Variants in ARHGAP26 observed in about 807,000 individuals in gnomAD.
ARHGAP26 encodes the protein rho GTPase-activating protein 26.
ARHGAP26 carries 38 observed loss-of-function variants against 104.8 expected under a neutral mutation model. The ratio of observed to expected loss-of-function variants is 0.36; its 90% confidence interval spans 0.28 to 0.48. The LOEUF (loss-of-function observed/expected upper bound fraction) is 0.48. Ranked by LOEUF, ARHGAP26 falls within the 20% of genes least tolerant of loss-of-function variation. The pLI is 0.99. For missense variants in ARHGAP26, 704 were observed against 947.9 expected (o/e 0.74, Z 3.38); for synonymous variants, 341 against 340.0 (o/e 1.00, Z -0.03).
intron 12 of ARHGAP26, among the ~76,000 whole-genome samples, chr5:143,023,916 G>A (rs1263918485): frequency 1.3e-5 from 2 of 152,068 alleles, no homozygotes; most frequent in Non-Finnish European, 2.9e-5. Flanking sequence ...CCTCTCTCCT[G>A]TGCATGCAGT....
At chr5:142,873,008 A>T (rs183115249) in intron 1 of ARHGAP26, among the ~76,000 whole-genome samples, 1 of 152,156 alleles carries the variant, frequency 6.6e-6, no homozygotes, top group South Asian at 2.1e-4. Flanking sequence ...TTGTGGGGGA[A>T]ACTGCACTGA....
At chr5:142,887,033 G>T (rs1318213041) in intron 5 of ARHGAP26, among the ~76,000 whole-genome samples, 1 of 152,244 alleles carries the variant, frequency 6.6e-6, no homozygotes, top group Non-Finnish European at 1.5e-5. Flanking sequence ...GATATTCAGA[G>T]TATTCAGAGT....
At chr5:142,776,705 A>G (rs1021193604) in intron 1 of ARHGAP26, among the ~76,000 whole-genome samples, 2 of 152,328 alleles carry the variant, frequency 1.3e-5, no homozygotes, top group African/African-American at 2.4e-5. Context: ...GAATGTTTGC[A>G]TACGTGTCTT....
In ARHGAP26 at chr5:142,903,629, T is replaced by G. The variant is rs780493063; in HGVS notation, c.792T>G (p.Ser264Arg). Residue 264 changes from serine to arginine, a missense_variant, in exon 8 of 23, where the codon AGT becomes AGG. Ser to Arg is a moderately radical substitution (Grantham distance 110). Coordinates refer to ENST00000645722, the MANE Select transcript of ARHGAP26 (RefSeq NM_001135608.3). ...KENPLEHKTI[S>R]PYTMEGYLYV... ...ATCCCCTTGAGCACAAGACCATCAGTCCCTACACCATGGAGGGATACCTCT... is the reference window on the plus strand; with the variant it reads ...ATCCCCTTGAGCACAAGACCATCAGGCCCTACACCATGGAGGGATACCTCT... 1 of 1,613,956 alleles carries G rather than the reference T, an allele frequency of 6.2e-7. No homozygotes were observed. Among genetic ancestry groups the G allele is most frequent in the South Asian group, 1.1e-5 (1 of 91,068 alleles).
intron 1 of ARHGAP26, among the ~76,000 whole-genome samples, chr5:142,820,286 AACTT>A (rs900560181): frequency 2.6e-5 from 4 of 152,136 alleles, no homozygotes; most frequent in Admixed American, 2.6e-4. Flanking sequence ...CGGTGGTTAA[AACTT>A]TCTTGTTAAG....
chr5:142,828,541 A>G (rs917752302), intron 1 of ARHGAP26, among the ~76,000 whole-genome samples: 1 of 152,180 alleles, frequency 6.6e-6, no homozygotes, highest in Non-Finnish European at 1.5e-5. Flanking sequence ...TTTTCCCCCT[A>G]AGGTTTTTGC....
intron 20 of ARHGAP26, among the ~76,000 whole-genome samples, chr5:143,204,521 T>C (rs1808261517): frequency 6.6e-6 from 1 of 152,098 alleles, no homozygotes; most frequent in African/African-American, 2.4e-5. Context: ...CAAAACTCCG[T>C]CTCCAGAAGA....
chr5:143,143,695 G>A lies in ARHGAP26; in HGVS notation c.1838-3536G>A, dbSNP rs116527516. 5.6e-3 allele frequency among the ~76,000 whole-genome samples: 859 copies of A among 152,136 alleles called. 8 individuals are homozygous for A. The highest frequency in any genetic ancestry group is 0.02 in the African/African-American group (813 of 41,492). On this transcript the variant is annotated intron_variant, in intron 19 of 22. Coordinates refer to ENST00000645722, the MANE Select transcript of ARHGAP26 (RefSeq NM_001135608.3). ...TAATATTTATCTTATAACCATTCAC[G>A]GAGCCTTAGTGTCAGTGACCCATGG...
At position 143,074,321 on chromosome 5, in the gene ARHGAP26, G is replaced by A. The variant is rs867298712; in HGVS notation, c.1538+16574G>A. 3.9e-5 allele frequency among the ~76,000 whole-genome samples: 6 copies of A among 152,090 alleles called. No homozygotes were observed. In the East Asian group the frequency reaches 5.8e-4, roughly 15 times the overall value. On this transcript the variant is annotated intron_variant, in intron 17 of 22. Coordinates refer to ENST00000645722, the MANE Select transcript of ARHGAP26 (RefSeq NM_001135608.3). The stretch of plus-strand genomic sequence containing the variant: ...TACTGTAAGGATCCACTGACTTTTC[G>A]TCCATTATAGAACTTTCTCTTCTCT...
intron 12 of ARHGAP26, among the ~76,000 whole-genome samples, chr5:143,016,576 G>A (rs564812729): frequency 1.3e-5 from 2 of 152,116 alleles, no homozygotes; most frequent in Non-Finnish European, 2.9e-5. Context: ...GGTGGCACAC[G>A]CCTGTAATGC....
At chr5:143,192,969 G>A (rs534662683) in intron 20 of ARHGAP26, among the ~76,000 whole-genome samples, 53 of 152,208 alleles carry the variant, frequency 3.5e-4, no homozygotes, top group African/African-American at 1.0e-3. Flanking sequence ...CCTCATCTAC[G>A]GTTTTGCTTT....
intron 20 of ARHGAP26, among the ~76,000 whole-genome samples, chr5:143,163,911 A>T (rs866714524): frequency 6.6e-6 from 1 of 152,154 alleles, no homozygotes; most frequent in Non-Finnish European, 1.5e-5. Context: ...AATTTGGACT[A>T]TAAGAATGAC....
At chr5:143,113,999 CCAATTACTT>C (rs1435143509) in intron 17 of ARHGAP26, among the ~76,000 whole-genome samples, 2 of 152,132 alleles carry the variant, frequency 1.3e-5, no homozygotes, top group East Asian at 3.8e-4. Flanking sequence ...TAACCTCGAG[CCAATTACTT>C]ACCTTCTCAG....
At chr5:142,923,948 G>A (rs751699397) in intron 10 of ARHGAP26, among the ~76,000 whole-genome samples, 1 of 134,252 alleles carries the variant, frequency 7.4e-6, no homozygotes, top group Non-Finnish European at 1.5e-5. Context: ...TGCAAGCTCC[G>A]CCCCCCGGGT....
At chr5:143,010,441 G>A (rs1778578580) in intron 11 of ARHGAP26, among the ~76,000 whole-genome samples, 2 of 152,234 alleles carry the variant, frequency 1.3e-5, no homozygotes, top group South Asian at 4.1e-4. Context: ...TGCTTGGTAA[G>A]TGCTAGGTAA....
chr5:142,954,669 T>C (rs1440750884), intron 11 of ARHGAP26, among the ~76,000 whole-genome samples: 1 of 152,378 alleles, frequency 6.6e-6, no homozygotes, highest in South Asian at 2.1e-4. Context: ...CACAGTAGCA[T>C]GCAGTACATG....
intron 1 of ARHGAP26, among the ~76,000 whole-genome samples, chr5:142,833,984 CATATT>C (rs1164164519): frequency 2.6e-5 from 4 of 152,170 alleles, no homozygotes; most frequent in African/African-American, 9.7e-5. Context: ...GAAACATACT[CATATT>C]TAATAAGCCA....
intron 17 of ARHGAP26, among the ~76,000 whole-genome samples, chr5:143,081,687 T>C (rs943272591): frequency 6.6e-6 from 1 of 152,222 alleles, no homozygotes; most frequent in African/African-American, 2.4e-5. Context: ...GCAAAGTGCA[T>C]ATCCAGTTTC....
chr5:143,167,409 G>A (rs568076871), intron 20 of ARHGAP26, among the ~76,000 whole-genome samples: 3 of 145,784 alleles, frequency 2.1e-5, no homozygotes, highest in Non-Finnish European at 4.5e-5. Flanking sequence ...TTGAACCCGG[G>A]GGGGAAGAGG....
Sources: gnomAD v4.1 joint callset for allele counts (sites outside exome capture counted in the v4.1 genomes callset) on GRCh38, gnomAD v4.1.1 for gene constraint, MANE v1.5 for transcripts, NCBI Gene and HGNC (gene_info 2026-07-23, HGNC 2026-07-21) for gene names.